The following EPB41L3 variants were observed in gnomAD, a reference collection of about 807,000 sequenced individuals.
EPB41L3 encodes band 4.1-like protein 3.
EPB41L3 carries 57 observed loss-of-function variants against 127.1 expected under a neutral mutation model. The observed-to-expected ratio is 0.45, with a 90% confidence interval of 0.36 to 0.56. The LOEUF (loss-of-function observed/expected upper bound fraction) is 0.56. EPB41L3 is among the 20% of genes least tolerant of loss of function. The pLI, the probability that EPB41L3 is intolerant of heterozygous loss-of-function variation, is 0.00. For synonymous variants in EPB41L3, 572 were observed against 549.5 expected, an observed-to-expected ratio of 1.04 and a Z score of -0.57; for missense variants, 1,273 against 1,372.2, an observed-to-expected ratio of 0.93 and a Z score of 1.14.
In EPB41L3 at chr18:5,543,521, C is replaced by G. The variant is rs1175820672; in HGVS notation, c.-12+392G>C. 1.4e-5 allele frequency: 2 copies of G among 147,526 alleles called. No homozygotes were observed. Among genetic ancestry groups the G allele is most frequent in the Non-Finnish European group, 3.0e-5 (2 of 66,252 alleles). The allele number at this position is 147,526 out of a possible 1,614,324, so 9.1% of individuals were successfully genotyped here. On this transcript the variant is annotated intron_variant, in intron 1 of 22. Coordinates refer to ENST00000341928, the MANE Select transcript of EPB41L3 (RefSeq NM_012307.5). The surrounding 1 kb of genome is among the most constrained non-coding windows in gnomAD (Gnocchi z 5.2). ...CCGAGGGGCAACTTAAAACATGGCG[C>G]CCCGGGCGGGGGATTTGTGCAAATT...
intron 16 of EPB41L3, among the ~76,000 whole-genome samples, chr18:5,405,890 T>A (rs2075305154): frequency 6.6e-6 from 1 of 151,186 alleles, no homozygotes; most frequent in African/African-American, 2.4e-5. Context: ...AAAAAAAAAA[T>A]TTCTGGCCAC....
chr18:5,598,606 A>T (rs2094559312), intron 3 of EPB41L3, among the ~76,000 whole-genome samples: 1 of 152,184 alleles, frequency 6.6e-6, no homozygotes, highest in Non-Finnish European at 1.5e-5. Flanking sequence ...AAAGTCTGAG[A>T]ACCTCCATAT....
chr18:5,441,505 G>A (rs1042160883), intron 5 of EPB41L3, among the ~76,000 whole-genome samples: 5 of 145,430 alleles, frequency 3.4e-5, no homozygotes, highest in South Asian at 2.1e-4. Flanking sequence ...TCGCTCTGTC[G>A]CCCAGGCTGG....
At chr18:5,531,851 A>G (rs1453818433) in intron 1 of EPB41L3, among the ~76,000 whole-genome samples, 1 of 152,084 alleles carries the variant, frequency 6.6e-6, no homozygotes, top group Non-Finnish European at 1.5e-5. Context: ...CATTAGCTTG[A>G]GGTGAGTCCA....
chr18:5,436,358 T>C (rs2079788618), intron 6 of EPB41L3, among the ~76,000 whole-genome samples: 2 of 151,414 alleles, frequency 1.3e-5, no homozygotes, highest in South Asian at 2.1e-4. Flanking sequence ...GCTCTACAAA[T>C]ATTACATGAG....
intron 11 of EPB41L3, chr18:5,420,233 G>A (rs73937123): frequency 0.035 from 11,432 of 327,006 alleles, 340 homozygotes; most frequent in African/African-American, 0.1. Context: ...CGAGGCTGCC[G>A]CTGGGCATAT....
At chr18:5,600,863 T>A (rs2143788399) in intron 3 of EPB41L3, among the ~76,000 whole-genome samples, 1 of 152,222 alleles carries the variant, frequency 6.6e-6, no homozygotes. Context: ...AAATTTCAGT[T>A]GGGGCGGAGG....
rs976156007 is a variant in EPB41L3 at position 5,407,046 on chromosome 18, A to G, written c.2158-78T>C. 5.8e-6 allele frequency: 8 copies of G among 1,386,266 alleles called. No homozygotes were observed. In the Admixed American group the frequency reaches 8.9e-5, roughly 15 times the overall value. 85.9% of individuals were successfully genotyped at this position (1,386,266 alleles called of 1,614,324 possible). ...TTTCAGCTCTTTTGTTTGCTTTAAAAGTAATGTCAATCTTATTAGTAGTCA... is the reference window on the plus strand; with the variant it reads ...TTTCAGCTCTTTTGTTTGCTTTAAAGGTAATGTCAATCTTATTAGTAGTCA... On this transcript the variant is annotated intron_variant, in intron 15 of 22. Coordinates refer to ENST00000341928, the MANE Select transcript of EPB41L3 (RefSeq NM_012307.5).
chr18:5,428,821 T>C (rs1027738950), intron 8 of EPB41L3, among the ~76,000 whole-genome samples: 2 of 152,190 alleles, frequency 1.3e-5, no homozygotes, highest in African/African-American at 4.8e-5. Context: ...ATATATTAAC[T>C]CTTTTAATAT....
rs538581922 is a variant in EPB41L3 at position 5,535,655 on chromosome 18, G to T, written c.-12+8258C>A. On this transcript the variant is annotated intron_variant, in intron 1 of 22. Coordinates refer to ENST00000341928, the MANE Select transcript of EPB41L3 (RefSeq NM_012307.5). ...GATGCCCCGATGGCATCATCTCACA[G>T]AAGCCTGGGTGCACCATTCCAGCTA... Among the ~76,000 whole-genome samples the T allele has an allele frequency of 2.6e-4, 40 of 152,272 alleles. 2 individuals carry two copies. The South Asian group carries it at 5.8e-3, about 22-fold the overall frequency.
rs2072760226 is a variant in EPB41L3, at chr18:5,393,633, T to C, written c.*7-155A>G. 9.6e-6 allele frequency: 5 copies of C among 521,686 alleles called. No homozygotes were observed. In the South Asian group the frequency reaches 1.2e-4, roughly 12 times the overall value. 32.3% of individuals were successfully genotyped at this position (521,686 alleles called of 1,614,324 possible). On this transcript the variant is annotated intron_variant, in intron 22 of 22. Coordinates refer to ENST00000341928, the MANE Select transcript of EPB41L3 (RefSeq NM_012307.5). ...TTAAGTCACTGCCAATTACATGCTT[T>C]CTCTTAAGTAATTACAACAACGCCC...
intron 1 of EPB41L3, among the ~76,000 whole-genome samples, chr18:5,518,928 C>T (rs1448162217): frequency 6.6e-6 from 1 of 152,118 alleles, no homozygotes; most frequent in African/African-American, 2.4e-5. Context: ...TCAAACGTAA[C>T]AGGAGTAAAC....
intron 3 of EPB41L3, among the ~76,000 whole-genome samples, chr18:5,472,100 A>T (rs909405358): frequency 1.3e-5 from 2 of 152,160 alleles, no homozygotes; most frequent in Non-Finnish European, 2.9e-5. Flanking sequence ...GGCCTTGTCT[A>T]CACTCATGAT....
chr18:5,445,198 A>G lies in EPB41L3; in HGVS notation c.428T>C (p.Leu143Ser), dbSNP rs1238342368. 2 of 1,614,116 alleles carry G rather than the reference A, an allele frequency of 1.2e-6. No individual in the cohort carries two copies. The highest frequency in any genetic ancestry group is 1.7e-6 in the Non-Finnish European group (2 of 1,180,022). ...AAAGTAGTCTTTCTCTAGCAAGTTCAAGTGTTCACACACTTTATCAAACAG... is the reference window on the plus strand; with the variant it reads ...AAAGTAGTCTTTCTCTAGCAAGTTCGAGTGTTCACACACTTTATCAAACAG... Reference protein sequence around the residue: ...QVLFDKVCEHLNLLEKDYFGL... With the variant: ...QVLFDKVCEHSNLLEKDYFGL... The change falls in exon 4 of 23, where the codon TTG becomes TCG. Residue 143 changes from leucine to serine, a missense_variant. Coordinates refer to ENST00000341928, the MANE Select transcript of EPB41L3 (RefSeq NM_012307.5).
intron 3 of EPB41L3, among the ~76,000 whole-genome samples, chr18:5,573,390 T>A (rs974564078): frequency 6.6e-6 from 1 of 152,224 alleles, no homozygotes; most frequent in African/African-American, 2.4e-5. Flanking sequence ...AATGGTAATA[T>A]TGCCAATCAA....
intron 2 of EPB41L3, among the ~76,000 whole-genome samples, chr18:5,479,396 C>A (rs2247879): frequency 0.75 from 114,376 of 152,200 alleles, 43,130 homozygotes; most frequent in East Asian, 0.93. Context: ...TACATACTAT[C>A]AGCCCTTACT....
intron 13 of EPB41L3, among the ~76,000 whole-genome samples, chr18:5,414,480 C>A (rs1032770899): frequency 2.6e-5 from 4 of 152,134 alleles, no homozygotes; most frequent in Admixed American, 2.6e-4. Flanking sequence ...TACTCGCACA[C>A]CCTCAACATA....
intron 3 of EPB41L3, among the ~76,000 whole-genome samples, chr18:5,576,564 C>T (rs550956614): frequency 2.0e-5 from 3 of 152,270 alleles, no homozygotes; most frequent in South Asian, 4.1e-4. Flanking sequence ...TAATTAGCCA[C>T]TTCTAATACC....
upstream of EPB41L3, among the ~76,000 whole-genome samples, chr18:5,547,592 A>G (rs1300802138): frequency 6.6e-6 from 1 of 152,156 alleles, no homozygotes; most frequent in Non-Finnish European, 1.5e-5. Flanking sequence ...ACTCTATATA[A>G]TTTATATCAC....
Sources: gnomAD v4.1 joint callset for allele counts (sites outside exome capture counted in the v4.1 genomes callset) on GRCh38, gnomAD v4.1.1 for gene constraint, Gnocchi (gnomAD v3.1) non-coding constraint, MANE v1.5 for transcripts, NCBI Gene and HGNC (gene_info 2026-07-23, HGNC 2026-07-21) for gene names.